The following NR6A1 variants were observed in gnomAD, a reference collection of about 807,000 sequenced individuals.
NR6A1 encodes nuclear receptor subfamily 6 group A member 1, also known as retinoic acid receptor-related testis-associated receptor.
NR6A1 carries 7 observed loss-of-function variants against 59.1 expected under a neutral mutation model. That is an observed-to-expected ratio of 0.12 (90% CI 0.07 to 0.22). The LOEUF (loss-of-function observed/expected upper bound fraction) is 0.22. NR6A1 is among the 10% of genes least tolerant of loss of function. The pLI, the probability that NR6A1 is intolerant of heterozygous loss-of-function variation, is 1.00. For synonymous variants in NR6A1, 243 were observed against 236.1 expected, an observed-to-expected ratio of 1.03 and a Z score of -0.27; for missense variants, 468 against 611.6, an observed-to-expected ratio of 0.77 and a Z score of 2.48.
intron 2 of NR6A1, among the ~76,000 whole-genome samples, chr9:124,628,015 C>G (rs1280869969): frequency 7.0e-6 from 1 of 142,036 alleles, no homozygotes; most frequent in Non-Finnish European, 1.5e-5. Context: ...TTGGCCTTTG[C>G]TTTTGTTGTT....
chr9:124,556,327 G>A (rs1020536480), intron 2 of NR6A1, among the ~76,000 whole-genome samples: 3 of 152,148 alleles, frequency 2.0e-5, no homozygotes, highest in Non-Finnish European at 1.5e-5. Flanking sequence ...GAAGACAGAG[G>A]CAGAAACTGG....
At chr9:124,770,933 AG>A in intron 1 of NR6A1, 86 bp downstream of exon 1, 1 of 764,642 alleles carries the variant, frequency 1.3e-6, no homozygotes, top group Non-Finnish European at 1.8e-6. Context: ...TCCCAGGGCG[AG>A]GGTCGGCAGA....
At chr9:124,752,882 C>A (rs936904574) in intron 1 of NR6A1, among the ~76,000 whole-genome samples, 2 of 151,218 alleles carry the variant, frequency 1.3e-5, no homozygotes, top group Middle Eastern at 7.0e-3. Flanking sequence ...TAGCTGAATT[C>A]TCTTAGAGGA....
At chr9:124,688,033 A>G (rs1051017952) in intron 2 of NR6A1, among the ~76,000 whole-genome samples, 2 of 152,194 alleles carry the variant, frequency 1.3e-5, no homozygotes, top group South Asian at 2.1e-4. Flanking sequence ...ACAATATGGT[A>G]TAAGTTGGCT....
chr9:124,759,189 T>C (rs984894747), intron 1 of NR6A1, among the ~76,000 whole-genome samples: 5 of 152,246 alleles, frequency 3.3e-5, no homozygotes, highest in Admixed American at 2.6e-4. Flanking sequence ...TTTATAAATT[T>C]TGGACACCTA....
At chr9:124,528,901 T>A (rs1330175733) in intron 7 of NR6A1, among the ~76,000 whole-genome samples, 1 of 152,238 alleles carries the variant, frequency 6.6e-6, no homozygotes, top group Non-Finnish European at 1.5e-5. Context: ...TATGCGTAGA[T>A]TATACACAAA....
intron 2 of NR6A1, among the ~76,000 whole-genome samples, chr9:124,596,320 G>T (rs890753993): frequency 2.0e-5 from 3 of 151,746 alleles, no homozygotes; most frequent in African/African-American, 7.3e-5. Flanking sequence ...GGGTATGGGG[G>T]GCGTGCAGAA....
intron 2 of NR6A1, among the ~76,000 whole-genome samples, chr9:124,616,166 G>A (rs1417739814): frequency 6.6e-6 from 1 of 151,942 alleles, no homozygotes; most frequent in Non-Finnish European, 1.5e-5. Context: ...GGGAGGCCGA[G>A]GTGAGCAGAT....
At chr9:124,604,966 AC>A in intron 2 of NR6A1, among the ~76,000 whole-genome samples, 1 of 152,364 alleles carries the variant, frequency 6.6e-6, no homozygotes, top group South Asian at 2.1e-4. Flanking sequence ...AACAAGAAAT[AC>A]TGGAATTAGA....
At chr9:124,622,455 A>G (rs1836105422) in intron 2 of NR6A1, among the ~76,000 whole-genome samples, 1 of 152,192 alleles carries the variant, frequency 6.6e-6, no homozygotes, top group Non-Finnish European at 1.5e-5. Flanking sequence ...TAAAAAGATT[A>G]TGGCTTTTCA....
At chr9:124,582,288 C>A (rs778281186) in intron 2 of NR6A1, among the ~76,000 whole-genome samples, 10 of 152,142 alleles carry the variant, frequency 6.6e-5, no homozygotes, top group Non-Finnish European at 1.0e-4. Context: ...AGCTGGGGGC[C>A]ATTATCCTTA....
At chr9:124,686,596 C>T (rs993578503) in intron 2 of NR6A1, among the ~76,000 whole-genome samples, 32 of 152,008 alleles carry the variant, frequency 2.1e-4, no homozygotes, top group African/African-American at 7.5e-4. Context: ...TGAAAAAAAA[C>T]GAGTCCTGCT....
intron 2 of NR6A1, among the ~76,000 whole-genome samples, chr9:124,584,463 A>G (rs1157416746): frequency 6.6e-6 from 1 of 151,992 alleles, no homozygotes; most frequent in Non-Finnish European, 1.5e-5. Flanking sequence ...AGGAAGTCTC[A>G]TCAGTACCAT....
chr9:124,641,245 G>A (rs1426975066), intron 2 of NR6A1, among the ~76,000 whole-genome samples: 2 of 151,722 alleles, frequency 1.3e-5, no homozygotes, highest in Non-Finnish European at 2.9e-5. Context: ...TGTAATCCCA[G>A]CTACTTGGGA....
At chr9:124,683,932 G>C (rs1270170959) in intron 2 of NR6A1, among the ~76,000 whole-genome samples, 1 of 152,196 alleles carries the variant, frequency 6.6e-6, no homozygotes, top group Non-Finnish European at 1.5e-5. Context: ...ACTTCTAATA[G>C]ATGTATTAGC....
intron 1 of NR6A1, among the ~76,000 whole-genome samples, chr9:124,740,913 G>A (rs1840157451): frequency 6.6e-6 from 1 of 152,154 alleles, no homozygotes; most frequent in Non-Finnish European, 1.5e-5. Context: ...CTCAATAAAT[G>A]TTTGAAGAAC....
chr9:124,760,157 C>T (rs1840746590), intron 1 of NR6A1, among the ~76,000 whole-genome samples: 1 of 151,434 alleles, frequency 6.6e-6, no homozygotes, highest in African/African-American at 2.4e-5. Flanking sequence ...ACTAAAAACA[C>T]AAAAATTAGT....
intron 2 of NR6A1, among the ~76,000 whole-genome samples, chr9:124,697,239 A>C (rs1564242831): frequency 6.6e-6 from 1 of 152,234 alleles, no homozygotes; most frequent in Admixed American, 6.5e-5. Context: ...GTGCAGAAAG[A>C]AAAAGGTAAC....
At chr9:124,593,622 TC>T (rs537244876) in intron 2 of NR6A1, among the ~76,000 whole-genome samples, 14 of 152,240 alleles carry the variant, frequency 9.2e-5, no homozygotes, top group African/African-American at 3.4e-4. Flanking sequence ...ATGAGAATAT[TC>T]CCCAACGTTG....
Sources: gnomAD v4.1 joint callset for allele counts (sites outside exome capture counted in the v4.1 genomes callset) on GRCh38, gnomAD v4.1.1 for gene constraint, MANE v1.5 for transcripts, NCBI Gene and HGNC (gene_info 2026-07-23, HGNC 2026-07-21) for gene names.